CEP85: variants seen among roughly 807,000 people sequenced by gnomAD.
CEP85 encodes centrosomal protein 85, also known as centrosomal protein of 85 kDa.
A neutral mutation model predicts 93.7 loss-of-function variants in CEP85; 58 were observed. The observed-to-expected ratio is 0.62, with a 90% CI of 0.50 to 0.77. CEP85 has a LOEUF of 0.77. CEP85 is among the 30% of genes least tolerant of loss of function. The pLI is 0.00. For synonymous variants in CEP85, 314 were observed against 338.6 expected, an observed-to-expected ratio of 0.93 and a Z score of 0.80; for missense variants, 868 against 922.0, an observed-to-expected ratio of 0.94 and a Z score of 0.76.
intron 7 of CEP85, among the ~76,000 whole-genome samples, chr1:26,266,566 A>G (rs1212070710): frequency 6.6e-6 from 1 of 152,254 alleles, no homozygotes; most frequent in Non-Finnish European, 1.5e-5. Context: ...CTGAAATGTG[A>G]AAATCACTGG....
rs1165154826 is a variant in CEP85 at position 26,255,501 on chromosome 1, A to G, written c.539A>G (p.Asp180Gly). ...HERQEEARKF[D>G]IPSMESTLNQ... ...AGACAAGAAGAGGCGAGGAAGTTTG[A>G]TATTCCTAGCATGGAATCTACCCTC... The change falls in exon 4 of 14, where the codon GAT becomes GGT. Residue 180 changes from aspartate to glycine, a missense_variant. Coordinates refer to ENST00000451429, the MANE Select transcript of CEP85 (RefSeq NM_001319944.2). The G allele has an allele frequency of 6.2e-7, 1 of 1,614,122 alleles. No homozygotes were observed. Among genetic ancestry groups the G allele is most frequent in the Non-Finnish European group, 8.5e-7 (1 of 1,180,028 alleles).
rs573449499 is a variant in CEP85, at chr1:26,248,722, C to CTTTTTTTTTTTTTTTTTTTTTTT, written c.208+4426_208+4427insTTTTTTTTTTTTTTTTTTTTTTT. On this transcript the variant is annotated intron_variant, in intron 3 of 13. Coordinates refer to ENST00000451429, the MANE Select transcript of CEP85 (RefSeq NM_001319944.2). ...TGTTGGCCAGTCTGGGTCTTGAACTCTTTTTTTTTTTTTTTTTTTTTTGAG... is the reference window on the plus strand; with the variant it reads ...TGTTGGCCAGTCTGGGTCTTGAACTCTTTTTTTTTTTTTTTTTTTTTTTTTTTTTTTTTTTTTTTTTTTTTGAG... Among the ~76,000 whole-genome samples, 17 of 56,212 alleles carry CTTTTTTTTTTTTTTTTTTTTTTT rather than the reference C, an allele frequency of 3.0e-4. 5 individuals are homozygous for CTTTTTTTTTTTTTTTTTTTTTTT. Among genetic ancestry groups the CTTTTTTTTTTTTTTTTTTTTTTT allele is most frequent in the Non-Finnish European group, 4.4e-4 (15 of 33,986 alleles). 36.9% of individuals were successfully genotyped at this position (56,212 alleles called of 152,430 possible).
intron 6 of CEP85, 122 bp downstream of exon 6, chr1:26,258,382 C>G: frequency 1.4e-6 from 1 of 691,910 alleles, no homozygotes; most frequent in South Asian, 1.7e-5. Flanking sequence ...TCCCTGCCCT[C>G]AAAGAGGGCA....
At chr1:26,242,131 AAC>A (rs1218205642) in intron 2 of CEP85, among the ~76,000 whole-genome samples, 3 of 152,196 alleles carry the variant, frequency 2.0e-5, no homozygotes, top group African/African-American at 4.8e-5. Context: ...ATATATTTTT[AAC>A]AAATAACTCT....
chr1:26,268,709 G>C, intron 8 of CEP85, 74 bp downstream of exon 8: 1 of 1,362,678 alleles, frequency 7.3e-7, no homozygotes, highest in Non-Finnish European at 1.0e-6. Context: ...ATCATCTGCT[G>C]TATGCAGTTA....
At chr1:26,248,977 C>T (rs905954791) in intron 3 of CEP85, among the ~76,000 whole-genome samples, 6 of 152,134 alleles carry the variant, frequency 3.9e-5, no homozygotes, top group East Asian at 1.9e-4. Context: ...CTGCCCACCT[C>T]GGCTTCTCAA....
At chr1:26,272,291 G>T in intron 11 of CEP85, 1 of 542,726 alleles carries the variant, frequency 1.8e-6, no homozygotes, top group African/African-American at 1.9e-5. Context: ...GTATCCTGGG[G>T]GAGTGCAGGA....
chr1:26,238,887 C>T (rs768142174), intron 1 of CEP85, among the ~76,000 whole-genome samples: 8 of 152,170 alleles, frequency 5.3e-5, no homozygotes, highest in Non-Finnish European at 1.0e-4. Flanking sequence ...GAACATGGGA[C>T]GAGAACTTCA....
At chr1:26,255,138 A>G (rs1419871471) in intron 3 of CEP85, 33 bp from the exon 4 acceptor site, 2 of 1,577,074 alleles carry the variant, frequency 1.3e-6, no homozygotes, top group Non-Finnish European at 1.7e-6. Context: ...TGCTACTTCA[A>G]TTTTTACTTA....
chr1:26,261,052 A>G (rs1257860527), intron 7 of CEP85, among the ~76,000 whole-genome samples: 1 of 151,424 alleles, frequency 6.6e-6, no homozygotes, highest in Non-Finnish European at 1.5e-5. Flanking sequence ...CAGCCTCCCA[A>G]AGTGCTGGGA....
chr1:26,258,542 TA>T (rs57582717), intron 6 of CEP85, among the ~76,000 whole-genome samples: 25,060 of 150,532 alleles, frequency 0.17, 2,157 homozygotes, highest in Middle Eastern at 0.21. Flanking sequence ...TGAGAAGTCT[TA>T]ATTTTCTAGC....
At chr1:26,257,477 T>C in intron 4 of CEP85, 120 bp from the exon 5 acceptor site, 1 of 1,134,954 alleles carries the variant, frequency 8.8e-7, no homozygotes, top group Non-Finnish European at 1.3e-6. Flanking sequence ...TCATAAACAT[T>C]GGGCCTCATC....
intron 1 of CEP85, among the ~76,000 whole-genome samples, chr1:26,238,935 A>C (rs1257077982): frequency 6.6e-6 from 1 of 152,230 alleles, no homozygotes; most frequent in East Asian, 1.9e-4. Flanking sequence ...CTTATGAGCA[A>C]GAATTCTTTC....
chr1:26,270,392 A>C lies in CEP85; in HGVS notation c.1650-622A>C, dbSNP rs148201721. ...AGAACAAAACAAGATGCCATAATGT[A>C]CTCTCAGGATGTCTTGGGAGCCTTC... On this transcript the variant is annotated intron_variant, in intron 9 of 13. Coordinates refer to ENST00000451429, the MANE Select transcript of CEP85 (RefSeq NM_001319944.2). Among the ~76,000 whole-genome samples, 50 of 152,180 alleles carry C rather than the reference A, an allele frequency of 3.3e-4. 1 individual carries two copies. The East Asian group carries it at 4.4e-3, about 14-fold the overall frequency.
chr1:26,254,898 G>T (rs753717517), intron 3 of CEP85: 19 of 423,834 alleles, frequency 4.5e-5, no homozygotes, highest in Non-Finnish European at 7.9e-5. Flanking sequence ...AGCTTTGTCT[G>T]TTGACTGACA....
At chr1:26,269,243 G>A (rs1253227634) in intron 8 of CEP85, 1 of 553,406 alleles carries the variant, frequency 1.8e-6, no homozygotes, top group Non-Finnish European at 3.2e-6. Context: ...GGGACTACCT[G>A]CGTCAGAAAT....
At chr1:26,241,318 C>G (rs537276541) in intron 2 of CEP85, among the ~76,000 whole-genome samples, 8 of 135,514 alleles carry the variant, frequency 5.9e-5, no homozygotes, top group Admixed American at 1.7e-4. Flanking sequence ...TCTCGGCTCA[C>G]TACAAGCTCC....
intron 11 of CEP85, among the ~76,000 whole-genome samples, chr1:26,272,782 T>C (rs191455144): frequency 2.0e-5 from 3 of 151,990 alleles, no homozygotes; most frequent in Non-Finnish European, 4.4e-5. Flanking sequence ...GTGCCCACCA[T>C]CACGCCCGGC....
At chr1:26,255,947 C>A in intron 4 of CEP85, 82 bp downstream of exon 4, 2 of 1,274,676 alleles carry the variant, frequency 1.6e-6, no homozygotes, top group Non-Finnish European at 2.1e-6. Flanking sequence ...TGAATTTTGG[C>A]TTAAAGAAAA....
Sources: gnomAD v4.1 joint callset for allele counts (sites outside exome capture counted in the v4.1 genomes callset) on GRCh38, gnomAD v4.1.1 for gene constraint, MANE v1.5 for transcripts, NCBI Gene and HGNC (gene_info 2026-07-23, HGNC 2026-07-21) for gene names.